LARP4B: variants seen among roughly 807,000 people sequenced by gnomAD.
LARP4B encodes La ribonucleoprotein 4B.
LARP4B carries 12 observed loss-of-function variants against 89.8 expected under a neutral mutation model. The observed-to-expected ratio is 0.13, with a 90% CI of 0.09 to 0.22. LARP4B has a LOEUF of 0.22. Among genes scored for constraint, LARP4B ranks in the 10% least tolerant of loss-of-function variants. LARP4B has a pLI of 1.00. For synonymous variants in LARP4B, 367 were observed against 363.3 expected (o/e 1.01, Z -0.12); for missense variants, 757 against 947.7 (o/e 0.80, Z 2.64).
intron 7 of LARP4B, 61 bp downstream of exon 7, chr10:842,871 A>G: frequency 6.7e-7 from 1 of 1,498,930 alleles, no homozygotes; most frequent in East Asian, 2.3e-5. Flanking sequence ...TTAAAGGTTC[A>G]TGCTGATAAG....
chr10:835,556 G>T (rs568773759), intron 8 of LARP4B, among the ~76,000 whole-genome samples: 1 of 152,302 alleles, frequency 6.6e-6, no homozygotes, highest in African/African-American at 2.4e-5. Context: ...TGATCTCAAG[G>T]TGTGACCATC....
At position 814,713 on chromosome 10, in the gene LARP4B, G is replaced by T; in HGVS notation, c.1929+29C>A. On this transcript the variant is annotated intron_variant, in intron 17 of 17. Transcript: ENST00000316157. The surrounding 1 kb of genome is among the most constrained non-coding windows in gnomAD (Gnocchi z 4.4). The stretch of plus-strand genomic sequence containing the variant: ...TTCACACCAGAGCCTCGCGGCTGTC[G>T]TGCAGGAAGGCAGGCACGAGGTACG... 3.8e-6 allele frequency: 6 copies of T among 1,569,070 alleles called. No homozygotes were observed. The highest frequency in any genetic ancestry group is 5.2e-6 in the Non-Finnish European group (6 of 1,156,412).
At chr10:972,863 T>G in the LARP4B span, 1 of 456,998 alleles carries the variant, frequency 2.2e-6, no homozygotes, top group South Asian at 1.5e-5. Flanking sequence ...CAGAGAATGC[T>G]GGCAGTTCTG....
At position 909,069 on chromosome 10, in the gene LARP4B, C is replaced by T. The variant is rs887128502; in HGVS notation, c.-40+22359G>A. Among the ~76,000 whole-genome samples, 28 of 151,906 alleles carry T rather than the reference C, an allele frequency of 1.8e-4. No individual in the cohort carries two copies. The East Asian group carries it at 2.5e-3, about 14-fold the overall frequency. On this transcript the variant is annotated intron_variant, in intron 1 of 17. Coordinates refer to ENST00000316157, the MANE Select transcript of LARP4B (RefSeq NM_015155.3). ...CAGCACTTTGGGAGGCTGAGGCGGG[C>T]AGATCACAAGGTCAGGAGATCAAGA...
intron 8 of LARP4B, among the ~76,000 whole-genome samples, chr10:833,959 A>G (rs1006123622): frequency 6.6e-6 from 1 of 152,132 alleles, no homozygotes; most frequent in Non-Finnish European, 1.5e-5. Flanking sequence ...CACACTGCTC[A>G]CAAGAAATCC....
At chr10:911,583 CCTT>C (rs2132021876) in intron 1 of LARP4B, among the ~76,000 whole-genome samples, 1 of 152,302 alleles carries the variant, frequency 6.6e-6, no homozygotes, top group South Asian at 2.1e-4. Context: ...CACTTCTACT[CCTT>C]CTTTTTGCCA....
intron 1 of LARP4B, among the ~76,000 whole-genome samples, chr10:928,077 C>A (rs1837199415): frequency 6.6e-6 from 1 of 151,072 alleles, no homozygotes; most frequent in African/African-American, 2.4e-5. Context: ...AAAAAATTAG[C>A]CAGGTGTGGT....
At chr10:815,248 C>T (rs1389574940) in intron 15 of LARP4B, 178 bp from the exon 16 acceptor site, 3 of 521,194 alleles carry the variant, frequency 5.8e-6, no homozygotes, top group South Asian at 6.4e-5. Flanking sequence ...CCCCACAGAT[C>T]GCCCACCCTT....
At chr10:924,680 C>G (rs1409359532) in intron 1 of LARP4B, among the ~76,000 whole-genome samples, 2 of 152,222 alleles carry the variant, frequency 1.3e-5, no homozygotes, top group African/African-American at 4.8e-5. Flanking sequence ...CTCTGCTGAC[C>G]TCTCACTCCA....
At position 829,406 on chromosome 10, in the gene LARP4B, G is replaced by A. The variant is rs774200011; in HGVS notation, c.1104C>T (p.His368=). 6.2e-7 allele frequency: 1 copy of A among 1,608,884 alleles called. No homozygotes were observed. The highest frequency in any genetic ancestry group is 8.5e-7 in the Non-Finnish European group (1 of 1,176,788). ...LITPQTWSAT[H]SYLDPPLVTP... ...GTACCAAGGGTGGGTCAAGATAGCT[G>A]TGCGTTGCTGACCACGTCTGGGGAG... Residue 368 remains histidine (H), a synonymous_variant, in exon 11 of 18, where the codon CAC becomes CAT. Transcript: ENST00000316157.
intron 5 of LARP4B, among the ~76,000 whole-genome samples, chr10:852,237 G>C (rs750154567): frequency 3.9e-5 from 6 of 152,130 alleles, no homozygotes; most frequent in Non-Finnish European, 7.3e-5. Flanking sequence ...CAAGATCCCA[G>C]GTGTAAAAAT....
intron 3 of LARP4B, among the ~76,000 whole-genome samples, chr10:874,475 GA>G (rs1835377425): frequency 6.6e-6 from 1 of 152,334 alleles, no homozygotes; most frequent in Middle Eastern, 3.4e-3. Context: ...GCCATCTGGT[GA>G]AAAACAGGCG....
intron 1 of LARP4B, among the ~76,000 whole-genome samples, chr10:886,794 A>T (rs1014016186): frequency 3.9e-5 from 6 of 152,348 alleles, no homozygotes; most frequent in Admixed American, 1.3e-4. Context: ...AACAGAGAAT[A>T]AAATGGTGAC....
At chr10:959,425 GTCAATCCACCTCCCCA>G in the LARP4B span, among the ~76,000 whole-genome samples, 124 of 55,144 alleles carry the variant, frequency 2.2e-3, 17 homozygotes, top group Middle Eastern at 0.026. Flanking sequence ...CCACCTCCCC[GTCAATCCACCTCCCCA>G]TCAATCCACC....
intron 1 of LARP4B, among the ~76,000 whole-genome samples, chr10:906,276 T>A (rs1011160341): frequency 2.0e-5 from 3 of 152,244 alleles, no homozygotes; most frequent in African/African-American, 7.2e-5. Context: ...CATCAGCAGT[T>A]TCTCTGTGAT....
At chr10:841,017 G>A (rs1289265397) in intron 7 of LARP4B, among the ~76,000 whole-genome samples, 1 of 152,180 alleles carries the variant, frequency 6.6e-6, no homozygotes, top group Non-Finnish European at 1.5e-5. Context: ...GCTGGGCGTG[G>A]TGGTGCACGC....
chr10:975,063 A>G, the LARP4B span, among the ~76,000 whole-genome samples: 1 of 152,214 alleles, frequency 6.6e-6, no homozygotes, highest in Non-Finnish European at 1.5e-5. Context: ...TCACCACCAC[A>G]GCAGATCAAA....
chr10:940,032 T>TTC, the LARP4B span, among the ~76,000 whole-genome samples: 377 of 145,454 alleles, frequency 2.6e-3, 2 homozygotes, highest in African/African-American at 9.1e-3. Flanking sequence ...TTTTTTTTTT[T>TTC]TTGAGACGGA....
the LARP4B span, among the ~76,000 whole-genome samples, chr10:975,808 T>A: frequency 6.8e-6 from 1 of 147,688 alleles, no homozygotes; most frequent in South Asian, 2.1e-4. Flanking sequence ...CCCGGCCTAG[T>A]AGAATGTAAG....
Sources: gnomAD v4.1 joint callset for allele counts (sites outside exome capture counted in the v4.1 genomes callset) on GRCh38, gnomAD v4.1.1 for gene constraint, Gnocchi (gnomAD v3.1) non-coding constraint, MANE v1.5 for transcripts, NCBI Gene and HGNC (gene_info 2026-07-23, HGNC 2026-07-21) for gene names.